The following GRID2 variants were observed in gnomAD, a reference collection of about 807,000 sequenced individuals.
GRID2 encodes the protein glutamate ionotropic receptor delta type subunit 2.
Under a neutral mutation model 114.8 loss-of-function variants are expected in GRID2, and 33 were observed. The observed-to-expected ratio is 0.29, with a 90% CI of 0.22 to 0.38. The LOEUF (loss-of-function observed/expected upper bound fraction) is 0.38. Among genes scored for constraint, GRID2 ranks in the 10% least tolerant of loss-of-function variants. The pLI is 1.00. For synonymous variants in GRID2, 505 were observed against 449.9 expected (o/e 1.12, Z -1.55); for missense variants, 1,184 against 1,257.7 (o/e 0.94, Z 0.89).
chr4:93,224,583 T>C (rs770047659), intron 6 of GRID2, 31 bp from the exon 7 acceptor site: 6 of 1,479,208 alleles, frequency 4.1e-6, no homozygotes, highest in Non-Finnish European at 4.7e-6. Context: ...GTGTCAATGA[T>C]TCTAATGATC....
At chr4:92,536,527 T>C (rs2149157901) in intron 1 of GRID2, among the ~76,000 whole-genome samples, 1 of 152,302 alleles carries the variant, frequency 6.6e-6, no homozygotes, top group South Asian at 2.1e-4. Context: ...CTTACATAAG[T>C]GCTTAAAGAA....
intron 14 of GRID2, among the ~76,000 whole-genome samples, chr4:93,724,251 C>T (rs572251732): frequency 3.9e-5 from 6 of 152,102 alleles, no homozygotes; most frequent in South Asian, 4.2e-4. Flanking sequence ...AATGTTCAAG[C>T]GCATGCGGGA....
rs534261168 is a variant in GRID2 at position 92,411,806 on chromosome 4, C to T, written c.88+107062C>T. On this transcript the variant is annotated intron_variant, in intron 1 of 15. Coordinates refer to ENST00000282020, the MANE Select transcript of GRID2 (RefSeq NM_001510.4). ...CTGCAAGCTCCGCCTCCCGGGTTCA[C>T]GCCATTCTCCTGCCTCAGCTTCCCG... 2.3e-3 allele frequency among the ~76,000 whole-genome samples: 353 copies of T among 151,266 alleles called. 3 individuals carry two copies. The highest frequency in any genetic ancestry group is 8.3e-3 in the African/African-American group (342 of 41,212).
At chr4:92,893,693 C>G (rs1470327689) in intron 2 of GRID2, among the ~76,000 whole-genome samples, 1 of 152,092 alleles carries the variant, frequency 6.6e-6, no homozygotes, top group Non-Finnish European at 1.5e-5. Context: ...AGATTTCCTA[C>G]TGTGCCACAG....
intron 2 of GRID2, among the ~76,000 whole-genome samples, chr4:92,925,664 G>A (rs949274006): frequency 6.6e-6 from 1 of 151,868 alleles, no homozygotes; most frequent in Non-Finnish European, 1.5e-5. Context: ...TGGCTTCTAG[G>A]TGTGGAATTA....
rs538147100 is a variant in GRID2, at chr4:93,142,701, T to C, written c.735+31748T>C. ...GTACTTGCATAAACAAGACTTATTT[T>C]TCATGCTATTCAACCACGTCAGAAT... On this transcript the variant is annotated intron_variant, in intron 4 of 15. Transcript: ENST00000282020. Among the ~76,000 whole-genome samples, 3 of 152,334 alleles carry C rather than the reference T, an allele frequency of 2.0e-5. No individual in the cohort carries two copies. The South Asian group carries it at 6.2e-4, about 32-fold the overall frequency.
chr4:93,081,434 A>G (rs1222118588), intron 2 of GRID2, among the ~76,000 whole-genome samples: 2 of 152,192 alleles, frequency 1.3e-5, no homozygotes, highest in East Asian at 1.9e-4. Flanking sequence ...GCTTAAATGG[A>G]TACATTTATA....
chr4:93,305,302 A>G (rs1362388519), intron 8 of GRID2, among the ~76,000 whole-genome samples: 1 of 152,208 alleles, frequency 6.6e-6, no homozygotes, highest in Non-Finnish European at 1.5e-5. Flanking sequence ...GTGAAAGTAA[A>G]CAAGCATTTA....
intron 8 of GRID2, among the ~76,000 whole-genome samples, chr4:93,351,645 C>T (rs894530700): frequency 4.6e-5 from 7 of 151,978 alleles, no homozygotes; most frequent in East Asian, 1.9e-4. Flanking sequence ...AACTACAATG[C>T]TCCATGCATT....
intron 8 of GRID2, among the ~76,000 whole-genome samples, chr4:93,294,951 G>A (rs1167086399): frequency 1.3e-5 from 2 of 152,198 alleles, no homozygotes; most frequent in African/African-American, 4.8e-5. Context: ...CGGATAGGGT[G>A]TGAAATAAAG....
At chr4:93,717,650 CATA>C (rs1342525730) in intron 14 of GRID2, among the ~76,000 whole-genome samples, 2 of 152,058 alleles carry the variant, frequency 1.3e-5, no homozygotes, top group Non-Finnish European at 2.9e-5. Context: ...CGTTTAAGAT[CATA>C]ATAATTATAT....
At chr4:93,340,998 T>C (rs1179224741) in intron 8 of GRID2, among the ~76,000 whole-genome samples, 4 of 152,166 alleles carry the variant, frequency 2.6e-5, no homozygotes, top group African/African-American at 9.7e-5. Flanking sequence ...TCTAATTTAT[T>C]CTGTTTTGTA....
chr4:93,495,005 T>C (rs1408831481), intron 12 of GRID2, among the ~76,000 whole-genome samples: 1 of 151,808 alleles, frequency 6.6e-6, no homozygotes, highest in African/African-American at 2.4e-5. Flanking sequence ...AAATCAGGGT[T>C]ACACAGTTAT....
chr4:93,014,896 A>G (rs746135599), intron 2 of GRID2, among the ~76,000 whole-genome samples: 3 of 152,150 alleles, frequency 2.0e-5, no homozygotes, highest in Non-Finnish European at 4.4e-5. Flanking sequence ...GGTCTATTCC[A>G]TATCTATTTA....
chr4:93,244,518 A>ATAT (rs1415933027), intron 8 of GRID2, among the ~76,000 whole-genome samples: 89 of 48,484 alleles, frequency 1.8e-3, no homozygotes, highest in Middle Eastern at 0.017. Context: ...ATAATCTATT[A>ATAT]ATTAATAGAT....
chr4:92,680,833 G>C (rs1041935267), intron 2 of GRID2, among the ~76,000 whole-genome samples: 5 of 152,148 alleles, frequency 3.3e-5, no homozygotes, highest in Admixed American at 3.3e-4. Flanking sequence ...TGAGATTTCT[G>C]TCCCAGAGAT....
rs185258615 is a variant in GRID2, at chr4:92,925,618, A to C, written c.245-159377A>C. ...TTTTAAAATAACATTTATATTGGTA[A>C]ACTCTTTCAAAATAAATGTAGAAAT... On this transcript the variant is annotated intron_variant, in intron 2 of 15. Transcript: ENST00000282020. Among the ~76,000 whole-genome samples, 414 of 152,178 alleles carry C rather than the reference A, an allele frequency of 2.7e-3. 1 individual carries two copies. Among genetic ancestry groups the C allele is most frequent in the Non-Finnish European group, 4.6e-3 (314 of 67,966 alleles).
chr4:93,420,726 TTTTACTTA>T (rs1297142540), intron 9 of GRID2, among the ~76,000 whole-genome samples: 2 of 107,506 alleles, frequency 1.9e-5, no homozygotes, highest in African/African-American at 3.6e-5. Context: ...TATTTATTAT[TTTTACTTA>T]TTTATTTATT....
intron 3 of GRID2, among the ~76,000 whole-genome samples, chr4:93,095,222 C>T (rs1731101264): frequency 6.6e-6 from 1 of 151,786 alleles, no homozygotes; most frequent in South Asian, 2.1e-4. Context: ...GTTTGTTGCG[C>T]CCATCGACCC....
Sources: gnomAD v4.1 joint callset for allele counts (sites outside exome capture counted in the v4.1 genomes callset) on GRCh38, gnomAD v4.1.1 for gene constraint, MANE v1.5 for transcripts, NCBI Gene and HGNC (gene_info 2026-07-23, HGNC 2026-07-21) for gene names.